Variants in ARMC2 observed in about 807,000 individuals in gnomAD.
ARMC2 encodes the protein armadillo repeat-containing protein 2.
In ARMC2, 67 loss-of-function variants were observed where a neutral mutation model predicts 90.3. The observed-to-expected ratio is 0.74, with a 90% CI of 0.61 to 0.91. The LOEUF (loss-of-function observed/expected upper bound fraction) is 0.91. Among genes scored for constraint, ARMC2 ranks in the 40% least tolerant of loss-of-function variants. The pLI is 0.00. For missense variants in ARMC2, 920 were observed against 1,030.9 expected, an observed-to-expected ratio of 0.89 and a Z score of 1.47; for synonymous variants, 393 against 393.0, an observed-to-expected ratio of 1.00 and a Z score of 0.00.
chr6:108,950,439 G>A (rs979055925), intron 12 of ARMC2, among the ~76,000 whole-genome samples: 10 of 152,106 alleles, frequency 6.6e-5, no homozygotes, highest in Admixed American at 1.3e-4. Context: ...AATACCATGC[G>A]GCCATAAAAA....
In ARMC2 at chr6:108,974,236, C is replaced by G. The variant is rs1295625074; in HGVS notation, c.*722C>G. 6 of 152,160 alleles carry G rather than the reference C, an allele frequency of 3.9e-5. No homozygotes were observed. The highest frequency in any genetic ancestry group is 3.9e-4 in the Admixed American group (6 of 15,274). 9.4% of individuals were successfully genotyped at this position (152,160 alleles called of 1,614,324 possible). On this transcript the variant is annotated 3_prime_UTR_variant, in exon 18 of 18. Coordinates refer to ENST00000392644, the MANE Select transcript of ARMC2 (RefSeq NM_032131.6). ...TACCTGAATCTGAATCCATGCTCTC[C>G]CCTGCTAGCTTTGTGGGCCTGGAGC...
At chr6:108,930,154 T>TA (rs1296797284) in intron 11 of ARMC2, among the ~76,000 whole-genome samples, 1 of 152,056 alleles carries the variant, frequency 6.6e-6, no homozygotes, top group Non-Finnish European at 1.5e-5. Flanking sequence ...TCCAAACTCT[T>TA]CTTGTTCTTT....
chr6:108,966,810 C>T (rs552265065), intron 17 of ARMC2, among the ~76,000 whole-genome samples: 1 of 152,254 alleles, frequency 6.6e-6, no homozygotes, highest in Non-Finnish European at 1.5e-5. Flanking sequence ...GGCCCCAGCC[C>T]TAGGAATTCT....
chr6:108,988,454 G>A, the ARMC2 span: 7 of 1,208,840 alleles, frequency 5.8e-6, no homozygotes, highest in African/African-American at 1.1e-4. Context: ...TAGGGGTGAT[G>A]GAAAGGGTTT....
At chr6:109,008,827 G>A in the ARMC2 span, 2 of 985,426 alleles carry the variant, frequency 2.0e-6, no homozygotes, top group African/African-American at 3.5e-5. Context: ...CATAGAGCTT[G>A]CAGGACACAC....
intron 10 of ARMC2, among the ~76,000 whole-genome samples, chr6:108,921,959 T>G (rs1029845354): frequency 6.6e-6 from 1 of 152,200 alleles, no homozygotes; most frequent in African/African-American, 2.4e-5. Context: ...GCCAGGGCAC[T>G]AGCCTACCTG....
chr6:108,963,784 G>GAGCCA (rs1398675625), intron 15 of ARMC2, among the ~76,000 whole-genome samples: 3 of 152,196 alleles, frequency 2.0e-5, no homozygotes, highest in Non-Finnish European at 4.4e-5. Flanking sequence ...ATCCCACCAG[G>GAGCCA]AGCCAACTCC....
intron 6 of ARMC2, among the ~76,000 whole-genome samples, chr6:108,896,167 T>C (rs1186455689): frequency 1.3e-5 from 2 of 152,322 alleles, no homozygotes; most frequent in Admixed American, 6.5e-5. Context: ...ATTTACGTGC[T>C]AAAAACATCA....
chr6:108,964,833 C>T (rs1211408784), intron 16 of ARMC2, 147 bp from the exon 17 acceptor site: 7 of 642,814 alleles, frequency 1.1e-5, no homozygotes, highest in Non-Finnish European at 1.8e-5. Context: ...ACTTTATAAC[C>T]ACTTAAATTT....
intron 4 of ARMC2, among the ~76,000 whole-genome samples, chr6:108,874,193 G>A (rs1000991892): frequency 2.6e-5 from 4 of 152,054 alleles, no homozygotes; most frequent in African/African-American, 9.7e-5. Context: ...AGCCCCCCAG[G>A]GCAGCTCTTC....
At chr6:108,946,053 C>G (rs1776781048) in intron 12 of ARMC2, among the ~76,000 whole-genome samples, 1 of 152,258 alleles carries the variant, frequency 6.6e-6, no homozygotes. Flanking sequence ...CAGCCTTGGC[C>G]TTGGTCTGCG....
rs1175444911 is a variant in ARMC2 at position 108,962,144 on chromosome 6, A to G, written c.2152+17A>G. On this transcript the variant is annotated intron_variant, in intron 15 of 17. Transcript: ENST00000392644. ...AGAACAATGGTGAGTTAATAACACT[A>G]GAATTCATAAACATTCACTTTTTGC... The G allele has an allele frequency of 2.6e-6, 4 of 1,555,528 alleles. No homozygotes were observed. The highest frequency in any genetic ancestry group is 3.5e-6 in the Non-Finnish European group (4 of 1,134,128).
rs114279490 is a variant in ARMC2, at chr6:108,884,222, A to G, written c.671+7872A>G. On this transcript the variant is annotated intron_variant, in intron 5 of 17. Transcript: ENST00000392644. ...ATAGAAGAGTGGACCCTGTCCATGA[A>G]GAGCTTACCAGCGTGTCAGGCCTTG... 4.2e-3 allele frequency among the ~76,000 whole-genome samples: 639 copies of G among 152,252 alleles called. 3 individuals carry two copies. Among genetic ancestry groups the G allele is most frequent in the African/African-American group, 0.014 (600 of 41,542 alleles).
In ARMC2 at chr6:108,961,796, G is replaced by A. The variant is rs1778019039; in HGVS notation, c.2038+102G>A. On this transcript the variant is annotated intron_variant, in intron 14 of 17. Coordinates refer to ENST00000392644, the MANE Select transcript of ARMC2 (RefSeq NM_032131.6). ...AGACATTACTATCTTCTGCCTTCTG[G>A]TACAGAAATGTCTTAGAGCCTGATG... 5 of 1,331,764 alleles carry A rather than the reference G, an allele frequency of 3.8e-6. No homozygotes were observed. The South Asian group carries it at 5.8e-5, about 16-fold the overall frequency. 82.5% of individuals were successfully genotyped at this position (1,331,764 alleles called of 1,614,324 possible).
At chr6:108,881,186 CTTTCTTTCTTTG>C (rs1009620181) in intron 5 of ARMC2, among the ~76,000 whole-genome samples, 11 of 148,892 alleles carry the variant, frequency 7.4e-5, no homozygotes, top group African/African-American at 1.7e-4. Flanking sequence ...TTTTTTCTTT[CTTTCTTTCTTTG>C]TTTCTTTCTT....
chr6:108,992,837 A>G, the ARMC2 span: 1 of 1,613,838 alleles, frequency 6.2e-7, no homozygotes, highest in East Asian at 2.2e-5. Context: ...AAATCTTTAT[A>G]GCCATAACTA....
chr6:108,859,828 A>G (rs919464633), intron 3 of ARMC2, among the ~76,000 whole-genome samples: 3 of 152,088 alleles, frequency 2.0e-5, no homozygotes, highest in African/African-American at 7.2e-5. Context: ...AACATGGTGA[A>G]ACCCTGTCTC....
the ARMC2 span, among the ~76,000 whole-genome samples, chr6:108,989,521 AGAT>A: frequency 6.7e-6 from 1 of 149,374 alleles, no homozygotes; most frequent in Non-Finnish European, 1.5e-5. Flanking sequence ...ATATATAGAG[AGAT>A]ATCTATAGAG....
At chr6:109,028,771 T>G in the ARMC2 span, among the ~76,000 whole-genome samples, 1 of 152,118 alleles carries the variant, frequency 6.6e-6, no homozygotes, top group East Asian at 1.9e-4. Flanking sequence ...GAACAAAGAC[T>G]GGGTCACGAA....
Sources: allele counts gnomAD v4.1 joint callset (sites outside exome capture counted in the v4.1 genomes callset), GRCh38; gene constraint gnomAD v4.1.1; transcripts MANE v1.5; gene names NCBI Gene and HGNC (gene_info 2026-07-23, HGNC 2026-07-21).